The following ZNF609 variants were observed in gnomAD, a reference collection of about 807,000 sequenced individuals.
ZNF609 encodes the protein zinc finger protein 609.
In ZNF609, 11 loss-of-function variants were observed where a neutral mutation model predicts 109.5. The observed-to-expected ratio is 0.10, with a 90% CI of 0.06 to 0.17. ZNF609 has a LOEUF of 0.17. ZNF609 is among the 10% of genes least tolerant of loss of function. ZNF609 has a pLI of 1.00. For missense variants in ZNF609, 1,559 were observed against 1,772.4 expected (o/e 0.88, Z 2.16); for synonymous variants, 646 against 662.0 (o/e 0.98, Z 0.37).
At chr15:64,468,358 C>T (rs932033378) in intron 1 of ZNF609, among the ~76,000 whole-genome samples, 9 of 151,668 alleles carry the variant, frequency 5.9e-5, no homozygotes, top group African/African-American at 2.2e-4. Context: ...ACTCTGTTGC[C>T]TAGGCTGGAG....
chr15:64,580,996 C>T (rs1895095133), intron 2 of ZNF609, among the ~76,000 whole-genome samples: 1 of 79,260 alleles, frequency 1.3e-5, no homozygotes, highest in Non-Finnish European at 2.4e-5. Flanking sequence ...GACAGTCTCG[C>T]TCTGTTGCCC....
intron 2 of ZNF609, among the ~76,000 whole-genome samples, chr15:64,547,399 T>C (rs1894382676): frequency 6.6e-6 from 1 of 152,208 alleles, no homozygotes; most frequent in Non-Finnish European, 1.5e-5. Flanking sequence ...CATGTTAGGA[T>C]GACATAATTG....
intron 2 of ZNF609, among the ~76,000 whole-genome samples, chr15:64,563,531 C>T (rs1192623827): frequency 1.3e-5 from 2 of 151,994 alleles, no homozygotes; most frequent in Non-Finnish European, 2.9e-5. Flanking sequence ...AATCCCGGCA[C>T]TTGGGGAGGC....
rs571833133 is a variant in ZNF609, at chr15:64,577,450, CAT to C, written c.748-45373_748-45372del. Among the ~76,000 whole-genome samples the C allele has an allele frequency of 1.0e-4, 3 of 28,990 alleles. 1 individual carries two copies. The highest frequency in any genetic ancestry group is 2.7e-4 in the African/African-American group (3 of 10,980). The allele number at this position is 28,990 out of a possible 152,430, so 19.0% of individuals were successfully genotyped here. On this transcript the variant is annotated intron_variant, in intron 2 of 9. Transcript: ENST00000326648. ...ATACACATATATGTATATATATACA[CAT>C]ATAAATATATACATATATATGTATA...
chr15:64,523,686 C>T (rs772985537), intron 2 of ZNF609, among the ~76,000 whole-genome samples: 7 of 151,696 alleles, frequency 4.6e-5, no homozygotes, highest in Non-Finnish European at 1.0e-4. Flanking sequence ...TCGCTTGAAC[C>T]TGGGAGGCAG....
intron 2 of ZNF609, among the ~76,000 whole-genome samples, chr15:64,540,810 A>C (rs891820992): frequency 1.3e-5 from 2 of 149,024 alleles, no homozygotes; most frequent in Non-Finnish European, 1.5e-5. Flanking sequence ...TGGGCGGATC[A>C]CGAGGTCAAG....
intron 2 of ZNF609, among the ~76,000 whole-genome samples, chr15:64,564,248 G>A (rs1002351036): frequency 2.0e-5 from 3 of 151,992 alleles, no homozygotes; most frequent in Non-Finnish European, 4.4e-5. Context: ...GGTACTATTC[G>A]TGGTTTCAGG....
rs1198258630 is a variant in ZNF609, at chr15:64,681,291, G to A, written c.4163-18G>A. 6.2e-7 allele frequency: 1 copy of A among 1,612,758 alleles called. No homozygotes were observed. The highest frequency in any genetic ancestry group is 8.5e-7 in the Non-Finnish European group (1 of 1,179,176). ...GTTTCTGTGAGTGCTACACTAACAT[G>A]TTCTCCTGCTTATTCAGGGCTTTCT... On this transcript the variant is annotated intron_variant, in intron 8 of 9. Coordinates refer to ENST00000326648, the MANE Select transcript of ZNF609 (RefSeq NM_015042.2).
intron 2 of ZNF609, among the ~76,000 whole-genome samples, chr15:64,527,071 G>A (rs561407174): frequency 6.6e-6 from 1 of 151,946 alleles, no homozygotes; most frequent in Admixed American, 6.6e-5. Context: ...AGAAACCTCT[G>A]GAATGTAAAG....
chr15:64,609,573 G>C (rs545078083), intron 2 of ZNF609, among the ~76,000 whole-genome samples: 2 of 151,648 alleles, frequency 1.3e-5, no homozygotes, highest in Admixed American at 1.3e-4. Context: ...GGCTCCCAAA[G>C]TGCTGGGATT....
intron 1 of ZNF609, among the ~76,000 whole-genome samples, chr15:64,473,073 G>T (rs570138298): frequency 2.0e-5 from 3 of 152,038 alleles, no homozygotes; most frequent in African/African-American, 7.2e-5. Flanking sequence ...TTTCTACTTG[G>T]CATATGCTTT....
At chr15:64,646,737 G>A (rs1164435589) in intron 3 of ZNF609, among the ~76,000 whole-genome samples, 13 of 150,678 alleles carry the variant, frequency 8.6e-5, no homozygotes, top group Middle Eastern at 3.4e-3. Flanking sequence ...TCAGGAGTTC[G>A]AGACCAGCCT....
In ZNF609 at chr15:64,640,329, C is replaced by T. The variant is rs183606731; in HGVS notation, c.973+17277C>T. ...CTGGGATTATAGGCATGAGCCGCTGCGTCAAGACTTGAGTTCCTTTCTCTG... is the reference window on the plus strand; with the variant it reads ...CTGGGATTATAGGCATGAGCCGCTGTGTCAAGACTTGAGTTCCTTTCTCTG... On this transcript the variant is annotated intron_variant, in intron 3 of 9. Transcript: ENST00000326648. Among the ~76,000 whole-genome samples the T allele has an allele frequency of 1.4e-3, 213 of 152,218 alleles. 1 individual carries two copies. The highest frequency in any genetic ancestry group is 3.3e-3 in the East Asian group (17 of 5,184).
In ZNF609 at chr15:64,678,360, C is replaced by T. The variant is rs267604285; in HGVS notation, c.3647C>T (p.Ser1216Phe). 3 of 1,614,096 alleles carry T rather than the reference C, an allele frequency of 1.9e-6. No homozygotes were observed. The highest frequency in any genetic ancestry group is 2.5e-6 in the Non-Finnish European group (3 of 1,180,010). ...PRPSVHVPVS[S>F]PLTQHQSYIP... ...CCAAGTGTCCATGTGCCTGTGTCCTCCCCACTTACCCAGCACCAGTCCTAC... is the reference window on the plus strand; with the variant it reads ...CCAAGTGTCCATGTGCCTGTGTCCTTCCCACTTACCCAGCACCAGTCCTAC... The change falls in exon 6 of 10, where the codon TCC becomes TTC. Residue 1216 changes from serine (S) to phenylalanine (F), a missense_variant. Transcript: ENST00000326648.
chr15:64,580,238 G>A lies in ZNF609; in HGVS notation c.748-42589G>A, dbSNP rs116166392. ...CAAGAAAAATGGATTATCTCCTAGAGCCTCCACAATGAAATGCAGCCCTGC... is the reference window on the plus strand; with the variant it reads ...CAAGAAAAATGGATTATCTCCTAGAACCTCCACAATGAAATGCAGCCCTGC... On this transcript the variant is annotated intron_variant, in intron 2 of 9. Transcript: ENST00000326648. Among the ~76,000 whole-genome samples, 935 of 152,272 alleles carry A rather than the reference G, an allele frequency of 6.1e-3. 10 individuals carry two copies. Among genetic ancestry groups the A allele is most frequent in the African/African-American group, 0.021 (879 of 41,546 alleles).
intron 2 of ZNF609, among the ~76,000 whole-genome samples, chr15:64,609,064 T>TTTCTTTCTTTCTTTC (rs1895661659): frequency 8.4e-6 from 1 of 119,032 alleles, no homozygotes; most frequent in African/African-American, 3.3e-5. Flanking sequence ...TAGTTTTAAT[T>TTTCTTTCTTTCTTTC]TTTCTTTCTT....
chr15:64,529,686 G>A (rs1206688420), intron 2 of ZNF609: 2 of 714,824 alleles, frequency 2.8e-6, no homozygotes, highest in Admixed American at 1.8e-5. Context: ...TCTCAGGGAT[G>A]CAGCTGCCAA....
intron 3 of ZNF609, among the ~76,000 whole-genome samples, chr15:64,651,651 C>G (rs1379616161): frequency 6.6e-6 from 1 of 152,200 alleles, no homozygotes; most frequent in Admixed American, 6.5e-5. Flanking sequence ...CAGTTCATCA[C>G]AGGTATCAGA....
intron 2 of ZNF609, among the ~76,000 whole-genome samples, chr15:64,564,970 C>G (rs1340440392): frequency 6.6e-6 from 1 of 151,898 alleles, no homozygotes; most frequent in Non-Finnish European, 1.5e-5. Context: ...GTCTCAGCCT[C>G]CCTAGTAGCT....
Sources: allele counts gnomAD v4.1 joint callset (sites outside exome capture counted in the v4.1 genomes callset), GRCh38; gene constraint gnomAD v4.1.1; transcripts MANE v1.5; gene names NCBI Gene and HGNC (gene_info 2026-07-23, HGNC 2026-07-21).